Variants in MTA3 observed in about 807,000 individuals in gnomAD.
The protein encoded by MTA3 is metastasis associated 1 family member 3.
Under a neutral mutation model 83.5 loss-of-function variants are expected in MTA3, and 34 were observed. The observed-to-expected ratio is 0.41, with a 90% CI of 0.31 to 0.54. The LOEUF is 0.54. MTA3 is among the 20% of genes least tolerant of loss of function. The probability of loss-of-function intolerance (pLI) is 0.33; values close to 1 mark genes in which losing one functional copy is unlikely to be tolerated. For synonymous variants in MTA3, 303 were observed against 252.7 expected (o/e 1.20, Z -1.89); for missense variants, 761 against 726.4 (o/e 1.05, Z -0.55).
Position 42,560,563 on chromosome 2 carries a change from CAA to C in MTA3, c.-140-9869_-140-9868del, listed in dbSNP as rs1284082982. Among the ~76,000 whole-genome samples the C allele has an allele frequency of 8.1e-4, 118 of 145,508 alleles. 1 individual carries two copies. The highest frequency in any genetic ancestry group is 2.9e-3 in the African/African-American group (113 of 38,624). On this transcript the variant is annotated intron_variant, in intron 2 of 17. Coordinates refer to the MTA3 transcript ENST00000405592. ...TGAGACTCCATCTTAAAAAAAAAAA[CAA>C]AAAACAACAAAACAAAAAACAAACA...
At chr2:42,592,283 A>C (rs1174403771) in intron 3 of MTA3, among the ~76,000 whole-genome samples, 1 of 151,438 alleles carries the variant, frequency 6.6e-6, no homozygotes, top group African/African-American at 2.4e-5. Context: ...AAAACAAAAC[A>C]AAAAACCAAT....
At chr2:42,500,014 A>G (rs1328858439) in intron 2 of MTA3, among the ~76,000 whole-genome samples, 4 of 151,378 alleles carry the variant, frequency 2.6e-5, no homozygotes, top group African/African-American at 9.7e-5. Flanking sequence ...CATGCCTGTA[A>G]TCCCAGCACT....
intron 2 of MTA3, among the ~76,000 whole-genome samples, chr2:42,563,210 C>T (rs1222492341): frequency 6.6e-6 from 1 of 152,182 alleles, no homozygotes; most frequent in Non-Finnish European, 1.5e-5. Flanking sequence ...TGTAACATTC[C>T]TTCAACACTT....
chr2:42,577,902 T>C (rs1343206609), intron 2 of MTA3, among the ~76,000 whole-genome samples: 2 of 152,376 alleles, frequency 1.3e-5, no homozygotes, highest in East Asian at 3.9e-4. Flanking sequence ...TGATAGATTT[T>C]ATTTTATTTA....
intron 3 of MTA3, among the ~76,000 whole-genome samples, chr2:42,597,920 G>C (rs1309702990): frequency 2.6e-5 from 4 of 151,902 alleles, no homozygotes; most frequent in Non-Finnish European, 5.9e-5. Flanking sequence ...GGGGTGAAGC[G>C]ATCTGCCCAC....
chr2:42,577,772 C>T lies in MTA3; in HGVS notation c.97-1335C>T, dbSNP rs548289257. ...GGGATTACAGGTGTGAGCCACCGCA[C>T]CCGGCCTGGATTTTTAATGTCTCAA... is the stretch of plus-strand genomic sequence containing the variant. On this transcript the variant is annotated intron_variant, in intron 2 of 16. Transcript: ENST00000405094. 2.4e-4 allele frequency among the ~76,000 whole-genome samples: 37 copies of T among 152,242 alleles called. No homozygotes were observed. In the South Asian group the frequency reaches 7.7e-3, roughly 32 times the overall value.
At chr2:42,730,109 A>G (rs947796020) in intron 16 of MTA3, among the ~76,000 whole-genome samples, 2 of 152,162 alleles carry the variant, frequency 1.3e-5, no homozygotes, top group African/African-American at 4.8e-5. Flanking sequence ...TGTCAGTTCT[A>G]ATAGCTTTCT....
intron 3 of MTA3, among the ~76,000 whole-genome samples, chr2:42,608,973 CTTCTT>C (rs1683843707): frequency 6.6e-6 from 1 of 150,486 alleles, no homozygotes; most frequent in Non-Finnish European, 1.5e-5. Flanking sequence ...TGGAATTTTT[CTTCTT>C]TTGAGGCCCT....
chr2:42,537,688 AATC>A (rs1676311241), intron 2 of MTA3, among the ~76,000 whole-genome samples: 1 of 152,230 alleles, frequency 6.6e-6, no homozygotes, highest in Non-Finnish European at 1.5e-5. Flanking sequence ...TGCATTGCGT[AATC>A]ATTTATTGAT....
At chr2:42,597,910 G>C (rs773623111) in intron 3 of MTA3, among the ~76,000 whole-genome samples, 15 of 151,900 alleles carry the variant, frequency 9.9e-5, no homozygotes, top group Non-Finnish European at 2.2e-4. Flanking sequence ...TTGAACTCCT[G>C]GGGTGAAGCG....
chr2:42,743,913 A>G (rs1669221419), intron 16 of MTA3, among the ~76,000 whole-genome samples: 1 of 152,208 alleles, frequency 6.6e-6, no homozygotes, highest in Admixed American at 6.5e-5. Flanking sequence ...CCTTCTGTCA[A>G]AAACTCATGC....
At chr2:42,714,400 AATC>A (rs1289652745) in intron 14 of MTA3, among the ~76,000 whole-genome samples, 1 of 152,186 alleles carries the variant, frequency 6.6e-6, no homozygotes, top group African/African-American at 2.4e-5. Flanking sequence ...ATAAAAAAAA[AATC>A]ATGAGTTTTG....
rs148884810 is a variant in MTA3, at chr2:42,712,199, ATC to A, written c.1525+3106_1525+3107del. Among the ~76,000 whole-genome samples, 26 of 152,342 alleles carry A rather than the reference ATC, an allele frequency of 1.7e-4. No individual in the cohort carries two copies. The East Asian group carries it at 4.6e-3, about 27-fold the overall frequency. On this transcript the variant is annotated intron_variant, in intron 14 of 16. Coordinates refer to ENST00000405094, the MANE Select transcript of MTA3 (RefSeq NM_001330442.2). ...AAAGGTCTTTGCAGATTCATAAAAT[ATC>A]TCAAAGAATATGTAAAGAGTAATGA...
intron 14 of MTA3, among the ~76,000 whole-genome samples, chr2:42,710,894 C>T (rs191977049): frequency 6.6e-6 from 1 of 152,002 alleles, no homozygotes; most frequent in Non-Finnish European, 1.5e-5. Flanking sequence ...GCCTGGCCAA[C>T]ATGGTGAAGC....
intron 2 of MTA3, among the ~76,000 whole-genome samples, chr2:42,514,281 G>C (rs1280797749): frequency 6.6e-6 from 1 of 152,170 alleles, no homozygotes; most frequent in African/African-American, 2.4e-5. Context: ...AGTTATCTAA[G>C]GAGAAGAAAA....
At chr2:42,720,834 A>C (rs1667350089) in intron 15 of MTA3, among the ~76,000 whole-genome samples, 1 of 151,522 alleles carries the variant, frequency 6.6e-6, no homozygotes, top group Non-Finnish European at 1.5e-5. Context: ...TGTGGTCCCA[A>C]CTACTCAGGA....
chr2:42,750,929 C>G (rs1223078921), intron 16 of MTA3, among the ~76,000 whole-genome samples: 1 of 152,208 alleles, frequency 6.6e-6, no homozygotes, highest in Non-Finnish European at 1.5e-5. Context: ...AGTCCCCTCC[C>G]CTACTTCCAG....
intron 2 of MTA3, among the ~76,000 whole-genome samples, chr2:42,495,529 A>G (rs1674092458): frequency 6.6e-6 from 1 of 152,212 alleles, no homozygotes; most frequent in Admixed American, 6.5e-5. Flanking sequence ...ATCTGTAAGA[A>G]AGTGAGTTTC....
At chr2:42,553,748 G>A (rs1372576454) in intron 2 of MTA3, among the ~76,000 whole-genome samples, 2 of 148,704 alleles carry the variant, frequency 1.3e-5, no homozygotes, top group African/African-American at 5.0e-5. Context: ...AAAAAAAAAA[G>A]ATTGACTCTA....
Sources: gnomAD v4.1 joint callset for allele counts (sites outside exome capture counted in the v4.1 genomes callset) on GRCh38, gnomAD v4.1.1 for gene constraint, MANE v1.5 for transcripts, NCBI Gene and HGNC (gene_info 2026-07-23, HGNC 2026-07-21) for gene names.